Variants in ANKS6 observed in about 807,000 individuals in gnomAD.
The protein encoded by ANKS6 is ankyrin repeat and SAM domain-containing protein 6.
Under a neutral mutation model 77.9 loss-of-function variants are expected in ANKS6, and 47 were observed. The observed-to-expected ratio is 0.60, with a 90% CI of 0.48 to 0.77. The LOEUF is 0.77. ANKS6 is among the 30% of genes least tolerant of loss of function. ANKS6 has a pLI of 0.00. For synonymous variants in ANKS6, 488 were observed against 501.7 expected (o/e 0.97, Z 0.37); for missense variants, 1,150 against 1,159.1 (o/e 0.99, Z 0.11).
In ANKS6 at chr9:98,783,989, T is replaced by C. The variant is rs1834419260; in HGVS notation, c.1076A>G (p.His359Arg). The change falls in exon 4 of 15, where the codon CAT (histidine) becomes CGT (arginine). Residue 359 changes from histidine (H) to arginine (R), a missense_variant. By Grantham distance (29) the His-to-Arg change is conservative (BLOSUM62 0). Transcript: ENST00000353234. ...TGCCTGCATGAGGGCCGTCCAGCCA[T>C]GCACGCTGTCCTGCTTGTCAACATC... ...HADVDKQDSV[H>R]GWTALMQATY... The C allele has an allele frequency of 6.2e-7, 1 of 1,606,984 alleles. No individual in the cohort carries two copies. The highest frequency in any genetic ancestry group is 1.3e-5 in the African/African-American group (1 of 74,766).
chr9:98,782,503 T>C lies in ANKS6; in HGVS notation c.1183A>G (p.Thr395Ala), dbSNP rs1834328729. ...DVTLRAKNGYTAFDLVMLLND... is the reference protein window; with the variant it reads ...DVTLRAKNGYAAFDLVMLLND... ...AGCAGCATCACCAGGTCAAAGGCCG[T>C]GTATCCATTTTTTGCACGAAGAGTG... is the stretch of plus-strand genomic sequence containing the variant. Residue 395 changes from threonine (T) to alanine (A), a missense_variant, in exon 5 of 15, where the codon ACG becomes GCG. Transcript: ENST00000353234. 2 of 1,614,140 alleles carry C rather than the reference T, an allele frequency of 1.2e-6. No homozygotes were observed. The highest frequency in any genetic ancestry group is 1.7e-6 in the Non-Finnish European group (2 of 1,180,014).
intron 11 of ANKS6, 69 bp from the exon 12 acceptor site, chr9:98,756,672 C>T: frequency 3.0e-6 from 4 of 1,318,026 alleles, no homozygotes; most frequent in Non-Finnish European, 4.0e-6. Context: ...AACAAGACAC[C>T]CACAACAGGG....
chr9:98,751,049 G>C lies in ANKS6; in HGVS notation c.2374C>G (p.Pro792Ala). 1.9e-6 allele frequency: 3 copies of C among 1,610,232 alleles called. No individual in the cohort carries two copies. The highest frequency in any genetic ancestry group is 2.5e-6 in the Non-Finnish European group (3 of 1,178,586). The stretch of plus-strand genomic sequence containing the variant: ...CTTACCTCTTGTTCCTCAAAAATGG[G>C]CTGATATTTCTCAAGTGATAATTTC... ...LKKLSLEKYQ[P>A]IFEEQEVDME... is the part of the protein sequence containing the mutation. Residue 792 changes from proline (P) to alanine (A), a missense_variant, in exon 13 of 15, where the codon CCC (proline) becomes GCC (alanine). Coordinates refer to ENST00000353234, the MANE Select transcript of ANKS6 (RefSeq NM_173551.5).
Position 98,782,563 on chromosome 9 carries a change from T to G in ANKS6, c.1123A>C (p.Ile375Leu), listed in dbSNP as rs1357542409. ...CCTTGGTTTAGCAGATATTTCACAA[T>G]TTCCTTATTCCTGGGAAAAAATGCT... The part of the protein sequence containing the change: ...MQATYHGNKE[I>L]VKYLLNQGAD... The change falls in exon 5 of 15, where the codon ATT becomes CTT. Residue 375 changes from isoleucine (I) to leucine (L), a missense_variant. Coordinates refer to ENST00000353234, the MANE Select transcript of ANKS6 (RefSeq NM_173551.5). 6.2e-7 allele frequency: 1 copy of G among 1,614,036 alleles called. No homozygotes were observed. The highest frequency in any genetic ancestry group is 8.5e-7 in the Non-Finnish European group (1 of 1,179,920).
At position 98,770,785 on chromosome 9, in the gene ANKS6, T is replaced by C. The variant is rs933145660; in HGVS notation, c.1972+111A>G. The C allele has an allele frequency of 4.4e-6, 5 of 1,141,744 alleles. No individual in the cohort carries two copies. The African/African-American group carries it at 6.4e-5, about 15-fold the overall frequency. 70.7% of individuals were successfully genotyped at this position (1,141,744 alleles called of 1,614,324 possible). ...TTAGCCACATTAAGGAGAAAGTGCC[T>C]CTTGCGTGGTCATTTCTGCGACTGT... On this transcript the variant is annotated intron_variant, in intron 10 of 14. Coordinates refer to ENST00000353234, the MANE Select transcript of ANKS6 (RefSeq NM_173551.5).
intron 14 of ANKS6, among the ~76,000 whole-genome samples, chr9:98,739,718 CAG>C (rs1831708291): frequency 6.6e-6 from 1 of 151,422 alleles, no homozygotes; most frequent in African/African-American, 2.4e-5. Flanking sequence ...TAGCTGGAGG[CAG>C]ACAGATCCTA....
chr9:98,778,349 T>C lies in ANKS6; in HGVS notation c.1444A>G (p.Asn482Asp). The change falls in exon 7 of 15, where the codon AAC (asparagine) becomes GAC (aspartate). Residue 482 changes from asparagine (N) to aspartate (D), a missense_variant. Asn to Asp is a conservative substitution (Grantham distance 23). Coordinates refer to ENST00000353234, the MANE Select transcript of ANKS6 (RefSeq NM_173551.5). ...MQTLPRGLSSNQPLPFSDEPE... is the reference protein window; with the variant it reads ...MQTLPRGLSSDQPLPFSDEPE... The stretch of plus-strand genomic sequence containing the variant: ...TCGTCAGAGAAAGGCAAAGGCTGGT[T>C]GCTGGACAGCCCACGGGGCAGCGTC... 1 of 1,614,162 alleles carries C rather than the reference T, an allele frequency of 6.2e-7. No individual in the cohort carries two copies.
chr9:98,749,652 C>T (rs1832324444), intron 13 of ANKS6, among the ~76,000 whole-genome samples: 1 of 152,176 alleles, frequency 6.6e-6, no homozygotes, highest in Non-Finnish European at 1.5e-5. Context: ...AAGGCATAAA[C>T]ATATCAGCAA....
chr9:98,792,822 G>C (rs1465569177), intron 1 of ANKS6, among the ~76,000 whole-genome samples: 3 of 152,292 alleles, frequency 2.0e-5, no homozygotes, highest in Admixed American at 6.5e-5. Context: ...CGAAGCTCCA[G>C]TATAACCAAT....
chr9:98,764,227 G>A (rs1382124383), intron 11 of ANKS6, among the ~76,000 whole-genome samples: 3 of 152,052 alleles, frequency 2.0e-5, no homozygotes, highest in Middle Eastern at 3.4e-3. Context: ...TCCTATTTTT[G>A]TTTCTCTGTA....
At position 98,732,316 on chromosome 9, in the gene ANKS6, G is replaced by C; in HGVS notation, c.*4203C>G. ...TCTGAGGCAAGAATAAAAGGGACGA[G>C]TTCCCTGCCCCCTTTTTACCCGCTG... is the stretch of plus-strand genomic sequence containing the variant. On this transcript the variant is annotated 3_prime_UTR_variant, in exon 15 of 15. Transcript: ENST00000353234. 1.4e-6 allele frequency: 1 copy of C among 706,102 alleles called. No homozygotes were observed. The highest frequency in any genetic ancestry group is 1.9e-5 in the South Asian group (1 of 52,818). 43.7% of individuals were successfully genotyped at this position (706,102 alleles called of 1,614,324 possible). A position where few individuals can be genotyped will look rare whatever the true frequency, so the allele number is the denominator to read the frequency against.
chr9:98,778,751 G>A (rs1272580581), intron 6 of ANKS6, among the ~76,000 whole-genome samples: 1 of 152,196 alleles, frequency 6.6e-6, no homozygotes, highest in African/African-American at 2.4e-5. Flanking sequence ...TGACTTGCTT[G>A]AGGTCTTACA....
chr9:98,733,730 GT>G lies in ANKS6; in HGVS notation c.*2788del. The G allele has an allele frequency of 1.0e-6, 1 of 985,520 alleles. No individual in the cohort carries two copies. Among genetic ancestry groups the G allele is most frequent in the Non-Finnish European group, 1.2e-6 (1 of 829,984 alleles). 61.0% of individuals were successfully genotyped at this position (985,520 alleles called of 1,614,324 possible). A position where few individuals can be genotyped will look rare whatever the true frequency, so the allele number is the denominator to read the frequency against. On this transcript the variant is annotated 3_prime_UTR_variant, in exon 15 of 15. Coordinates refer to ENST00000353234, the MANE Select transcript of ANKS6 (RefSeq NM_173551.5). ...CCTGACCCATGCTGGCATGCTGAAGGTTGTGAGAGGCCTGTAGCAAAGATGA... is the reference window on the plus strand; with the variant it reads ...CCTGACCCATGCTGGCATGCTGAAGGTGTGAGAGGCCTGTAGCAAAGATGA...
At chr9:98,795,285 T>C (rs1407241797) in intron 1 of ANKS6, among the ~76,000 whole-genome samples, 1 of 151,762 alleles carries the variant, frequency 6.6e-6, no homozygotes, top group Non-Finnish European at 1.5e-5. Flanking sequence ...TACCCTAGAG[T>C]ATCTAATCTA....
At chr9:98,759,569 C>G (rs892901030) in intron 11 of ANKS6, among the ~76,000 whole-genome samples, 1 of 152,192 alleles carries the variant, frequency 6.6e-6, no homozygotes, top group Admixed American at 6.5e-5. Flanking sequence ...CCCACAACTC[C>G]CTCCTTGGGT....
At chr9:98,758,750 C>G (rs1339419437) in intron 11 of ANKS6, among the ~76,000 whole-genome samples, 1 of 152,178 alleles carries the variant, frequency 6.6e-6, no homozygotes, top group Non-Finnish European at 1.5e-5. Flanking sequence ...CTGTCTCTGA[C>G]AGTAAAAACT....
chr9:98,782,822 C>T (rs928127368), intron 4 of ANKS6, among the ~76,000 whole-genome samples: 1 of 152,158 alleles, frequency 6.6e-6, no homozygotes, highest in African/African-American at 2.4e-5. Flanking sequence ...GTGGCTCACA[C>T]CCGTAATCCC....
intron 14 of ANKS6, among the ~76,000 whole-genome samples, chr9:98,743,964 C>T (rs1010682072): frequency 5.3e-5 from 8 of 152,162 alleles, no homozygotes; most frequent in African/African-American, 1.2e-4. Flanking sequence ...GAGATCTGCC[C>T]GCCTCTGACA....
At position 98,736,167 on chromosome 9, in the gene ANKS6, C is replaced by A. The variant is rs142157174; in HGVS notation, c.*352G>T. ...GCAAGGCAGGTAAGAAGCAGCCGTGCCTTCTCCATCGTCCCTTTCCCTTGC... is the reference window on the plus strand; with the variant it reads ...GCAAGGCAGGTAAGAAGCAGCCGTGACTTCTCCATCGTCCCTTTCCCTTGC... On this transcript the variant is annotated 3_prime_UTR_variant, in exon 15 of 15. Transcript: ENST00000353234. 2.1e-4 allele frequency: 240 copies of A among 1,160,506 alleles called. No homozygotes were observed. The African/African-American group carries it at 3.5e-3, about 17-fold the overall frequency. The allele number at this position is 1,160,506 out of a possible 1,614,324, so 71.9% of individuals were successfully genotyped here. A position where few individuals can be genotyped will look rare whatever the true frequency, so the allele number is the denominator to read the frequency against.
Sources: allele counts gnomAD v4.1 joint callset (sites outside exome capture counted in the v4.1 genomes callset), GRCh38; gene constraint gnomAD v4.1.1; transcripts MANE v1.5; gene names NCBI Gene and HGNC (gene_info 2026-07-23, HGNC 2026-07-21).